Variants in ZNF790 observed in about 807,000 individuals in gnomAD.
ZNF790 encodes the protein zinc finger protein 790.
A neutral mutation model predicts 12.1 loss-of-function variants in ZNF790; 8 were observed. That is an observed-to-expected ratio of 0.66 (90% CI 0.39 to 1.19). The LOEUF (loss-of-function observed/expected upper bound fraction) is 1.19, where lower values mean the gene tolerates loss of function less well. Ranked by LOEUF, ZNF790 falls within the 50% of genes most tolerant of loss-of-function variation. The probability of loss-of-function intolerance (pLI) is 0.01; values close to 1 mark genes in which losing one functional copy is unlikely to be tolerated. For missense variants in ZNF790, 707 were observed against 752.2 expected (o/e 0.94, Z 0.70); for synonymous variants, 252 against 244.3 (o/e 1.03, Z -0.29).
rs201351819 is a variant in ZNF790 at position 36,819,214 on chromosome 19, C to T, written c.1130G>A (p.Arg377His). 1.8e-4 allele frequency: 293 copies of T among 1,613,984 alleles called. No homozygotes were observed. Among genetic ancestry groups the T allele is most frequent in the Non-Finnish European group, 2.3e-4 (267 of 1,179,984 alleles). The part of the protein sequence containing the change: ...ECKECGKAFI[R>H]GSNLAQHQNV... ...CTGATGTTGAGCAAGATTTGAACCA[C>T]GAATAAAGGCTTTTCCACATTCCTT... The change falls in exon 5 of 5, where the codon CGT becomes CAT. Residue 377 changes from arginine (R) to histidine (H), a missense_variant. Arg to His is a conservative substitution (Grantham distance 29). Coordinates refer to ENST00000356725, the MANE Select transcript of ZNF790 (RefSeq NM_206894.4).
intron 1 of ZNF790, among the ~76,000 whole-genome samples, chr19:36,848,796 T>G (rs1200546926): frequency 2.5e-5 from 1 of 40,466 alleles, no homozygotes; most frequent in Admixed American, 1.5e-4. Flanking sequence ...GTCCCCTTGT[T>G]TTTTGGGGGT....
chr19:36,818,966 GAA>G lies in ZNF790; in HGVS notation c.1376_1377del (p.Phe459SerfsTer7). ...TGTCGATTAAACTCTGAGCCATGAAGAAAGGTCTTTCCACATTCCTTACATTC... is the reference window on the plus strand; with the variant it reads ...TGTCGATTAAACTCTGAGCCATGAAGAGGTCTTTCCACATTCCTTACATTC... ...SYECKECGKT[F>X]LHGSEFNRHQ... On this transcript the variant is annotated frameshift_variant, in exon 5 of 5. Coordinates refer to ENST00000356725, the MANE Select transcript of ZNF790 (RefSeq NM_206894.4). LOFTEE classifies it low-confidence loss of function (END_TRUNC). The G allele has an allele frequency of 6.2e-7, 1 of 1,610,292 alleles. No homozygotes were observed. The highest frequency in any genetic ancestry group is 2.2e-5 in the East Asian group (1 of 44,848).
At chr19:36,827,142 A>ACACACACACACACACACACACAT (rs2071837412) in intron 1 of ZNF790, among the ~76,000 whole-genome samples, 1 of 32,888 alleles carries the variant, frequency 3.0e-5, no homozygotes, top group Non-Finnish European at 4.7e-5. Flanking sequence ...ACACACACAC[A>ACACACACACACACACACACACAT]TATATATATA....
chr19:36,843,219 C>T (rs1191974740), upstream of ZNF790, among the ~76,000 whole-genome samples: 1 of 152,144 alleles, frequency 6.6e-6, no homozygotes, highest in African/African-American at 2.4e-5. Context: ...GGGCCAAGAT[C>T]CCTGTGAGAA....
rs1324197305 is a variant in ZNF790, at chr19:36,818,838, T to C, written c.1506A>G (p.Gly502=). The C allele has an allele frequency of 6.2e-7, 1 of 1,613,480 alleles. No homozygotes were observed. Among genetic ancestry groups the C allele is most frequent in the Non-Finnish European group, 8.5e-7 (1 of 1,179,818 alleles). Residue 502 remains glycine, a synonymous_variant, in exon 5 of 5, where the codon GGA becomes GGG. Coordinates refer to ENST00000356725, the MANE Select transcript of ZNF790 (RefSeq NM_206894.4). ...ATTCTTCACATTCATATGGCCTCTT[T>C]CCAGTATGAATTTTCTGGTGTCGAT... ...ELNRHQKIHT[G]KRPYECEECG...
intron 1 of ZNF790, among the ~76,000 whole-genome samples, chr19:36,829,682 C>T (rs531617469): frequency 6.6e-6 from 1 of 152,338 alleles, no homozygotes; most frequent in Admixed American, 6.5e-5. Context: ...ACTCTCCTGC[C>T]TCAGCCTCCC....
chr19:36,818,582 G>C lies in ZNF790; in HGVS notation c.1762C>G (p.Leu588Val), dbSNP rs766073417. 7 of 1,611,106 alleles carry C rather than the reference G, an allele frequency of 4.3e-6. No homozygotes were observed. In the East Asian group the frequency reaches 1.6e-4, roughly 36 times the overall value. The part of the protein sequence containing the change: ...TEQKIHNSAN[L>V]CEWTDYGNTF... The stretch of plus-strand genomic sequence containing the variant: ...TTCCCATAGTCTGTCCATTCACAGA[G>C]ATTTGCACTATTATGAATTTTTTGT... Residue 588 changes from leucine to valine, a missense_variant, in exon 5 of 5, where the codon CTC becomes GTC. Leu to Val is a conservative substitution (Grantham distance 32, BLOSUM62 1). Transcript: ENST00000356725.
intron 1 of ZNF790, among the ~76,000 whole-genome samples, chr19:36,846,797 T>G (rs1280166835): frequency 1.3e-5 from 2 of 152,190 alleles, no homozygotes; most frequent in East Asian, 1.9e-4. Flanking sequence ...ATTTTCTTAT[T>G]TTCTGTATTC....
intron 2 of ZNF790, among the ~76,000 whole-genome samples, chr19:36,824,114 A>G (rs1161862991): frequency 2.0e-5 from 3 of 147,666 alleles, no homozygotes; most frequent in East Asian, 4.0e-4. Flanking sequence ...CTCCTGCCTC[A>G]GCCTCCCAAG....
chr19:36,841,491 G>A (rs780560481), upstream of ZNF790, among the ~76,000 whole-genome samples: 7 of 151,566 alleles, frequency 4.6e-5, no homozygotes, highest in Admixed American at 2.0e-4. Context: ...ATGGTGGCTC[G>A]TGCCTGTAAT....
At chr19:36,849,740 C>T (rs1160492662) in intron 1 of ZNF790, among the ~76,000 whole-genome samples, 1 of 151,946 alleles carries the variant, frequency 6.6e-6, no homozygotes, top group Non-Finnish European at 1.5e-5. Context: ...CAGCTACCCA[C>T]GCAGTGACCC....
rs1290661760 is a variant in ZNF790 at position 36,818,935 on chromosome 19, T to C, written c.1409A>G (p.Lys470Arg). Residue 470 changes from lysine (K) to arginine (R), a missense_variant, in exon 5 of 5, where the codon AAA becomes AGA. By Grantham distance (26) the Lys-to-Arg change is conservative (BLOSUM62 2). Coordinates refer to ENST00000356725, the MANE Select transcript of ZNF790 (RefSeq NM_206894.4). ...ATAGTTTCTCTCACCAGTATGAATT[T>C]TCTGATGTCGATTAAACTCTGAGCC... Reference protein sequence around the residue: ...LHGSEFNRHQKIHTGERNYEC... With the variant: ...LHGSEFNRHQRIHTGERNYEC... 1.9e-6 allele frequency: 3 copies of C among 1,609,944 alleles called. No individual in the cohort carries two copies. Among genetic ancestry groups the C allele is most frequent in the African/African-American group, 1.3e-5 (1 of 74,826 alleles).
intron 4 of ZNF790, among the ~76,000 whole-genome samples, chr19:36,822,887 G>T (rs1382923566): frequency 6.7e-6 from 1 of 150,128 alleles, no homozygotes; most frequent in African/African-American, 2.5e-5. Context: ...GTCTCACTCT[G>T]TCGACCAGAC....
chr19:36,847,507 T>C (rs907398949), intron 1 of ZNF790, among the ~76,000 whole-genome samples: 1 of 151,390 alleles, frequency 6.6e-6, no homozygotes, highest in Non-Finnish European at 1.5e-5. Flanking sequence ...CCCAGCACTT[T>C]GGGAGGCCGA....
upstream of ZNF790, among the ~76,000 whole-genome samples, chr19:36,841,035 G>C (rs2072125557): frequency 6.6e-6 from 1 of 152,078 alleles, no homozygotes; most frequent in African/African-American, 2.4e-5. Context: ...ATCTAAAAAG[G>C]AATTTAAAAT....
At chr19:36,820,253 G>GA in intron 4 of ZNF790, 139 bp from the exon 5 acceptor site, 4 of 815,132 alleles carry the variant, frequency 4.9e-6, no homozygotes, top group South Asian at 2.2e-5. Context: ...TGAGCAATAT[G>GA]AAAAAAAGGG....
At chr19:36,825,718 G>T in intron 1 of ZNF790, 26 bp from the exon 2 acceptor site, 1 of 1,363,014 alleles carries the variant, frequency 7.3e-7, no homozygotes, top group Non-Finnish European at 1.1e-6. Flanking sequence ...CACAAGGTCA[G>T]GCCTTTCTCA....
chr19:36,848,268 G>C (rs1206634250), intron 1 of ZNF790, among the ~76,000 whole-genome samples: 1 of 152,150 alleles, frequency 6.6e-6, no homozygotes, highest in East Asian at 1.9e-4. Context: ...GGAAAGTTCT[G>C]CCCTACCCCA....
intron 1 of ZNF790, among the ~76,000 whole-genome samples, chr19:36,829,125 T>G (rs2071893009): frequency 6.6e-6 from 1 of 152,170 alleles, no homozygotes; most frequent in East Asian, 1.9e-4. Context: ...AAAGCTTTAT[T>G]GAAATATAAT....
Sources: allele counts gnomAD v4.1 joint callset (sites outside exome capture counted in the v4.1 genomes callset), GRCh38; gene constraint gnomAD v4.1.1; transcripts MANE v1.5; gene names NCBI Gene and HGNC (gene_info 2026-07-23, HGNC 2026-07-21).